FBXO11: variants seen among roughly 807,000 people sequenced by gnomAD.
FBXO11 encodes the protein F-box protein 11.
In FBXO11, 13 loss-of-function variants were observed where a neutral mutation model predicts 117.0. The ratio of observed to expected loss-of-function variants is 0.11; its 90% CI spans 0.07 to 0.18. FBXO11 has a LOEUF of 0.18. Ranked by LOEUF, FBXO11 falls within the 10% of genes least tolerant of loss-of-function variation. FBXO11 has a pLI of 1.00. For missense variants in FBXO11, 767 were observed against 1,164.4 expected, an observed-to-expected ratio of 0.66 and a Z score of 4.97; for synonymous variants, 490 against 380.5, an observed-to-expected ratio of 1.29 and a Z score of -3.35.
At chr2:47,898,228 T>C (rs1350649930) in intron 1 of FBXO11, among the ~76,000 whole-genome samples, 2 of 152,252 alleles carry the variant, frequency 1.3e-5, no homozygotes, top group African/African-American at 4.8e-5. Context: ...TAAACATTTT[T>C]GATATTTGCC....
intron 11 of FBXO11, among the ~76,000 whole-genome samples, chr2:47,831,331 G>A (rs1572803239): frequency 6.7e-6 from 1 of 149,552 alleles, no homozygotes; most frequent in African/African-American, 2.5e-5. Flanking sequence ...CATGAGAATC[G>A]CTTGAACCAG....
intron 1 of FBXO11, among the ~76,000 whole-genome samples, chr2:47,892,109 C>T (rs1300490883): frequency 6.6e-6 from 1 of 152,126 alleles, no homozygotes; most frequent in African/African-American, 2.4e-5. Flanking sequence ...TGTGTAGAAG[C>T]TTTATAGTTT....
intron 1 of FBXO11, among the ~76,000 whole-genome samples, chr2:47,849,701 T>C (rs1400459244): frequency 6.6e-6 from 1 of 152,186 alleles, no homozygotes; most frequent in Non-Finnish European, 1.5e-5. Flanking sequence ...GGTATTGGTG[T>C]AAGATTTTCT....
intron 1 of FBXO11, among the ~76,000 whole-genome samples, chr2:47,869,718 T>C (rs369133842): frequency 1.3e-4 from 20 of 152,244 alleles, no homozygotes; most frequent in Non-Finnish European, 2.5e-4. Context: ...ATGTAAGTTA[T>C]AGGATTTCAA....
At chr2:47,870,414 T>G (rs1044285969) in intron 1 of FBXO11, among the ~76,000 whole-genome samples, 1 of 152,116 alleles carries the variant, frequency 6.6e-6, no homozygotes, top group Non-Finnish European at 1.5e-5. Context: ...AATAGGGTCT[T>G]TGAAAATGCA....
At chr2:47,842,106 C>A (rs1442862094) in intron 1 of FBXO11, among the ~76,000 whole-genome samples, 1 of 151,744 alleles carries the variant, frequency 6.6e-6, no homozygotes, top group African/African-American at 2.4e-5. Context: ...ACCTCCGTCT[C>A]CTGGGTTCAA....
intron 7 of FBXO11, 100 bp from the exon 8 acceptor site, chr2:47,833,170 G>A: frequency 1.4e-6 from 1 of 710,414 alleles, no homozygotes; most frequent in Non-Finnish European, 2.4e-6. Context: ...GTACTGAGTA[G>A]TGGGACTAAT....
At chr2:47,827,495 T>TCC (rs1179453563) in intron 11 of FBXO11, among the ~76,000 whole-genome samples, 2 of 151,562 alleles carry the variant, frequency 1.3e-5, no homozygotes, top group African/African-American at 4.9e-5. Context: ...TTAGTAGAGA[T>TCC]GGGGTTTCAC....
At chr2:47,896,102 C>T (rs1034557936) in intron 1 of FBXO11, among the ~76,000 whole-genome samples, 1 of 152,184 alleles carries the variant, frequency 6.6e-6, no homozygotes, top group Non-Finnish European at 1.5e-5. Context: ...ACATACTCTA[C>T]TTCTCTCCCT....
chr2:47,885,566 C>T (rs574135496), intron 1 of FBXO11, among the ~76,000 whole-genome samples: 1 of 151,524 alleles, frequency 6.6e-6, no homozygotes, highest in East Asian at 1.9e-4. Context: ...CATAGGGAGA[C>T]TCAGTCTCAA....
intron 1 of FBXO11, among the ~76,000 whole-genome samples, chr2:47,868,178 G>A (rs575628127): frequency 2.6e-5 from 4 of 151,626 alleles, no homozygotes; most frequent in African/African-American, 7.3e-5. Flanking sequence ...AGCTATTCAG[G>A]AGGCTGAGGC....
chr2:47,857,926 T>C (rs540011888), intron 1 of FBXO11, among the ~76,000 whole-genome samples: 13 of 151,076 alleles, frequency 8.6e-5, no homozygotes, highest in Non-Finnish European at 5.9e-5. Flanking sequence ...TTTTGTCCTT[T>C]ATATGGGCAA....
intron 1 of FBXO11, among the ~76,000 whole-genome samples, chr2:47,872,621 G>GCCTTATTTTCATTATTAATAGAC (rs1675706640): frequency 6.6e-6 from 1 of 152,140 alleles, no homozygotes; most frequent in African/African-American, 2.4e-5. Context: ...ACCGTGCCTG[G>GCCTTATTTTCATTATTAATAGAC]CCTTATTTTC....
intron 4 of FBXO11, among the ~76,000 whole-genome samples, chr2:47,837,279 C>A (rs968340658): frequency 6.6e-6 from 1 of 152,212 alleles, no homozygotes; most frequent in African/African-American, 2.4e-5. Context: ...GTAATCCCAG[C>A]ACTTTGGGAG....
At chr2:47,810,647 C>T in intron 18 of FBXO11, 2 of 431,202 alleles carry the variant, frequency 4.6e-6, no homozygotes, top group Non-Finnish European at 8.2e-6. Context: ...AATAATCTGC[C>T]ATCTCCATGA....
Position 47,883,522 on chromosome 2 carries a change from C to A in FBXO11, c.232+21967G>T, listed in dbSNP as rs554686751. 2.7e-4 allele frequency: 107 copies of A among 391,518 alleles called. 1 individual carries two copies. Among genetic ancestry groups the A allele is most frequent in the South Asian group, 1.8e-3 (88 of 48,234 alleles). The allele number at this position is 391,518 out of a possible 1,614,324, so 24.3% of individuals were successfully genotyped here. ...CTCCAGATTGAACCCTTGGATACAACAGAAAATGTAAAGGCCAAGATCCAG... is the reference window on the plus strand; with the variant it reads ...CTCCAGATTGAACCCTTGGATACAAAAGAAAATGTAAAGGCCAAGATCCAG... On this transcript the variant is annotated intron_variant, in intron 1 of 22. Coordinates refer to ENST00000403359, the MANE Select transcript of FBXO11 (RefSeq NM_001190274.2).
At chr2:47,901,298 A>T (rs984170453) in intron 1 of FBXO11, among the ~76,000 whole-genome samples, 1 of 151,598 alleles carries the variant, frequency 6.6e-6, no homozygotes, top group Non-Finnish European at 1.5e-5. Context: ...AGCAAAATCT[A>T]TTAATGCATT....
chr2:47,898,485 C>T (rs963879004), intron 1 of FBXO11, among the ~76,000 whole-genome samples: 1 of 152,170 alleles, frequency 6.6e-6, no homozygotes, highest in African/African-American at 2.4e-5. Context: ...CAGCCTACAA[C>T]CATGAGCTAA....
intron 18 of FBXO11, chr2:47,810,683 T>G (rs141778633): frequency 6.2e-4 from 212 of 339,546 alleles, no homozygotes; most frequent in East Asian, 4.8e-3. Context: ...CTAAGTTTAC[T>G]CAGCACTTCA....
Sources: allele counts gnomAD v4.1 joint callset (sites outside exome capture counted in the v4.1 genomes callset), GRCh38; gene constraint gnomAD v4.1.1; transcripts MANE v1.5; gene names NCBI Gene and HGNC (gene_info 2026-07-23, HGNC 2026-07-21).